TUT7: variants seen among roughly 807,000 people sequenced by gnomAD.
TUT7 encodes terminal uridylyltransferase 7.
In TUT7, 33 loss-of-function variants were observed where a neutral mutation model predicts 165.9. The ratio of observed to expected loss-of-function variants is 0.20; its 90% CI spans 0.15 to 0.27. TUT7 has a LOEUF of 0.27. TUT7 is among the 10% of genes least tolerant of loss of function. The pLI, the probability that TUT7 is intolerant of heterozygous loss-of-function variation, is 1.00. For synonymous variants in TUT7, 552 were observed against 608.1 expected (o/e 0.91, Z 1.36); for missense variants, 1,338 against 1,762.3 (o/e 0.76, Z 4.31).
In TUT7 at chr9:86,322,856, G is replaced by T; in HGVS notation, c.2877+17C>A. 1 of 1,570,954 alleles carries T rather than the reference G, an allele frequency of 6.4e-7. No homozygotes were observed. The highest frequency in any genetic ancestry group is 1.4e-5 in the African/African-American group (1 of 73,310). Reference sequence around the variant, plus strand: ...TTAAAGTCTCCTAGTTCTATGACTAGTGGTGGTACTGATTACCTTGCCTTT... The same window carrying T: ...TTAAAGTCTCCTAGTTCTATGACTATTGGTGGTACTGATTACCTTGCCTTT... On this transcript the variant is annotated intron_variant, in intron 13 of 26. Coordinates refer to ENST00000375963, the MANE Select transcript of TUT7 (RefSeq NM_024617.4).
At chr9:86,294,289 A>C (rs1240627362) in intron 26 of TUT7, among the ~76,000 whole-genome samples, 4 of 151,866 alleles carry the variant, frequency 2.6e-5, no homozygotes, top group East Asian at 1.9e-4. Flanking sequence ...AAAAAAAAAA[A>C]AAAAAACCCA....
intron 17 of TUT7, among the ~76,000 whole-genome samples, chr9:86,313,038 C>T (rs865781791): frequency 1.3e-5 from 2 of 151,954 alleles, no homozygotes; most frequent in Admixed American, 1.3e-4. Flanking sequence ...TATCTGCTGA[C>T]CAGATAAACA....
intron 26 of TUT7, among the ~76,000 whole-genome samples, chr9:86,300,543 T>C (rs548089965): frequency 2.0e-5 from 3 of 152,344 alleles, no homozygotes; most frequent in South Asian, 4.1e-4. Context: ...TTGTAAATCA[T>C]TACTTATTAT....
chr9:86,310,082 TGGTTG>T, intron 18 of TUT7, 65 bp from the exon 19 acceptor site: 3 of 1,393,510 alleles, frequency 2.2e-6, no homozygotes, highest in Non-Finnish European at 2.0e-6. Context: ...TTTTTTTTTT[TGGTTG>T]TTGTTTTAAA....
At chr9:86,306,584 A>G (rs1004745077) in intron 22 of TUT7, among the ~76,000 whole-genome samples, 3 of 150,426 alleles carry the variant, frequency 2.0e-5, no homozygotes, top group Non-Finnish European at 4.4e-5. Context: ...AGGTGGGCTA[A>G]TCACCTGAGG....
Position 86,352,854 on chromosome 9 carries a change from A to G in TUT7, c.346T>C (p.Phe116Leu). The change falls in exon 2 of 27, where the codon TTC becomes CTC. Residue 116 changes from phenylalanine (F) to leucine (L), a missense_variant. By Grantham distance (22) the Phe-to-Leu change is conservative. Coordinates refer to ENST00000375963, the MANE Select transcript of TUT7 (RefSeq NM_024617.4). The stretch of plus-strand genomic sequence containing the variant: ...ACAGGAATTCTAGGTCCAGGTTTGA[A>G]TTCTCTCCAGTTGTCTGAATTACCA... ...HTGNSDNWRE[F>L]KPGPRIPVIN... 3.7e-6 allele frequency: 6 copies of G among 1,614,136 alleles called. No individual in the cohort carries two copies. Among genetic ancestry groups the G allele is most frequent in the Non-Finnish European group, 5.1e-6 (6 of 1,180,034 alleles).
chr9:86,301,770 T>C, intron 25 of TUT7, 169 bp from the exon 26 acceptor site: 1 of 985,458 alleles, frequency 1.0e-6, no homozygotes, highest in Non-Finnish European at 1.2e-6. Flanking sequence ...TCTGTTAAGA[T>C]GCTCCCTCAG....
At chr9:86,342,208 C>G (rs2131575768) in intron 6 of TUT7, among the ~76,000 whole-genome samples, 1 of 152,168 alleles carries the variant, frequency 6.6e-6, no homozygotes, top group Non-Finnish European at 1.5e-5. Context: ...CCAGGCTGTT[C>G]ATGAACTCCT....
chr9:86,332,924 C>T (rs1830445910), intron 10 of TUT7, among the ~76,000 whole-genome samples: 1 of 152,118 alleles, frequency 6.6e-6, no homozygotes, highest in African/African-American at 2.4e-5. Context: ...TTTCCTCTGT[C>T]ATGAAGCACA....
Position 86,288,534 on chromosome 9 carries a change from T to A in TUT7, c.*143A>T, listed in dbSNP as rs1825685705. 3 of 552,692 alleles carry A rather than the reference T, an allele frequency of 5.4e-6. No individual in the cohort carries two copies. The highest frequency in any genetic ancestry group is 9.1e-6 in the Non-Finnish European group (3 of 328,886). The allele number at this position is 552,692 out of a possible 1,614,324, so 34.2% of individuals were successfully genotyped here. Reference sequence around the variant, plus strand: ...AAATTTTTCCTCATTAACAATTTCATTAAATTAAAAAAAAATCTGACATTT... The same window carrying A: ...AAATTTTTCCTCATTAACAATTTCAATAAATTAAAAAAAAATCTGACATTT... On this transcript the variant is annotated 3_prime_UTR_variant, in exon 27 of 27. Coordinates refer to ENST00000375963, the MANE Select transcript of TUT7 (RefSeq NM_024617.4).
intron 26 of TUT7, among the ~76,000 whole-genome samples, chr9:86,295,486 T>C (rs1431214420): frequency 6.6e-6 from 1 of 152,122 alleles, no homozygotes; most frequent in African/African-American, 2.4e-5. Flanking sequence ...ACACTTGATA[T>C]ATCAAATATG....
rs1186723247 is a variant in TUT7, at chr9:86,319,587, G to T, written c.3112C>A (p.Pro1038Thr). The change falls in exon 15 of 27, where the codon CCA (proline) becomes ACA (threonine). Residue 1038 changes from proline to threonine, a missense_variant. Physicochemically the swap from Pro to Thr is conservative, Grantham distance 38. Coordinates refer to ENST00000375963, the MANE Select transcript of TUT7 (RefSeq NM_024617.4). ...AAATAAAAAATAAATCATTTACCTG[G>T]AAAGTCCTGTCTTATGAAACTTTCT... ...NLESFIRQDF[P>T]GTKLSLFGSS... 1 of 1,591,474 alleles carries T rather than the reference G, an allele frequency of 6.3e-7. No individual in the cohort carries two copies. Among genetic ancestry groups the T allele is most frequent in the East Asian group, 2.2e-5 (1 of 44,628 alleles).
rs567161580 is a variant in TUT7, at chr9:86,312,653, G to A, written c.3275-1844C>T. 1.9e-3 allele frequency among the ~76,000 whole-genome samples: 294 copies of A among 152,338 alleles called. 1 individual carries two copies. Among genetic ancestry groups the A allele is most frequent in the African/African-American group, 6.9e-3 (288 of 41,578 alleles). On this transcript the variant is annotated intron_variant, in intron 17 of 26. Transcript: ENST00000375963. ...GAGAACAGGCCATGATGACAATGGC[G>A]GTTTTGTGGAATAGAAAGCGGGGAA...
intron 2 of TUT7, among the ~76,000 whole-genome samples, chr9:86,352,220 C>T (rs547283477): frequency 2.6e-5 from 4 of 152,126 alleles, no homozygotes; most frequent in Admixed American, 2.0e-4. Flanking sequence ...AGGAGATATA[C>T]GCAGTGTATA....
chr9:86,344,834 GAAAACAA>G (rs1415465407), intron 5 of TUT7, 136 bp downstream of exon 5: 4 of 775,342 alleles, frequency 5.2e-6, no homozygotes, highest in Non-Finnish European at 7.9e-6. Context: ...GAAAGCCAGG[GAAAACAA>G]AAAACAAAAA....
chr9:86,343,668 T>C (rs894002552), intron 5 of TUT7, among the ~76,000 whole-genome samples: 1 of 152,204 alleles, frequency 6.6e-6, no homozygotes, highest in African/African-American at 2.4e-5. Context: ...TCTTTTGACA[T>C]ATTTAATATG....
At position 86,323,534 on chromosome 9, in the gene TUT7, T is replaced by G; in HGVS notation, c.2216A>C (p.Asp739Ala). The G allele has an allele frequency of 1.9e-6, 3 of 1,614,240 alleles. No individual in the cohort carries two copies. The highest frequency in any genetic ancestry group is 2.5e-6 in the Non-Finnish European group (3 of 1,180,036). ...TCCTGTTTCTGGATGGTATACTTTA[T>G]CACCCTTGTAATCATCAGAGTTAAC... ...ADVNSDDYKG[D>A]KVYHPETGRK... The change falls in exon 13 of 27, where the codon GAT (aspartate) becomes GCT (alanine). Residue 739 changes from aspartate to alanine, a missense_variant. Asp to Ala is a moderately radical substitution (Grantham distance 126). Coordinates refer to ENST00000375963, the MANE Select transcript of TUT7 (RefSeq NM_024617.4).
intron 26 of TUT7, among the ~76,000 whole-genome samples, chr9:86,292,278 G>A (rs1825957173): frequency 6.6e-6 from 1 of 152,080 alleles, no homozygotes. Flanking sequence ...AGAAACATAT[G>A]TTAAGGAGTA....
At chr9:86,308,377 T>TATA in intron 22 of TUT7, 52 bp downstream of exon 22, 2 of 1,501,440 alleles carry the variant, frequency 1.3e-6, no homozygotes, top group Non-Finnish European at 1.8e-6. Flanking sequence ...ACAATGTCCT[T>TATA]ATAGTTCAAG....
Sources: allele counts gnomAD v4.1 joint callset (sites outside exome capture counted in the v4.1 genomes callset), GRCh38; gene constraint gnomAD v4.1.1; transcripts MANE v1.5; gene names NCBI Gene and HGNC (gene_info 2026-07-23, HGNC 2026-07-21).